The following ATP7A variants were observed in gnomAD, a reference collection of about 807,000 sequenced individuals.
ATP7A encodes the protein ATPase copper transporting alpha.
ATP7A carries 7 observed loss-of-function variants against 83.5 expected under a neutral mutation model. That is an observed-to-expected ratio of 0.08 (90% CI 0.05 to 0.16). The LOEUF is 0.16. Among genes scored for constraint, ATP7A ranks in the 10% least tolerant of loss-of-function variants. The pLI, the probability that ATP7A is intolerant of heterozygous loss-of-function variation, is 1.00. For synonymous variants in ATP7A, 354 were observed against 395.2 expected (o/e 0.90, Z 1.24); for missense variants, 940 against 1,120.8 (o/e 0.84, Z 2.30).
At chrX:77,914,820 T>C (rs2077176982) in intron 1 of ATP7A, among the ~76,000 whole-genome samples, 1 of 111,933 alleles carries the variant, frequency 8.9e-6, no homozygotes, top group African/African-American at 3.2e-5. Context: ...TTATTTTTGT[T>C]TATTTATTTT....
At position 77,998,645 on chromosome X, in the gene ATP7A, T is replaced by G. The variant is rs782589583; in HGVS notation, c.1504T>G (p.Cys502Gly). Residue 502 changes from cysteine to glycine, a missense_variant, in exon 5 of 23, where the codon TGT (cysteine) becomes GGT (glycine). This residue lies in a region of ATP7A where 350 missense variants were observed against 432.8 expected (regional missense o/e 0.81). Coordinates refer to ENST00000341514, the MANE Select transcript of ATP7A (RefSeq NM_000052.7). ...GGTCACTGGCATGACTTGCGCTTCC[T>G]GTGTAGCAAACATTGAACGGAATTT... ...IQVTGMTCAS[C>G]VANIERNLRR... 4.1e-6 allele frequency: 5 copies of G among 1,212,123 alleles called. No homozygotes were observed. Among genetic ancestry groups the G allele is most frequent in the Non-Finnish European group, 5.6e-6 (5 of 895,603 alleles).
intron 14 of ATP7A, 43 bp from the exon 15 acceptor site, chrX:78,029,207 C>G (rs1256886466): frequency 8.7e-7 from 1 of 1,155,560 alleles, no homozygotes. Flanking sequence ...TTGTTTTGTA[C>G]AGCTCTAAAT....
intron 1 of ATP7A, among the ~76,000 whole-genome samples, chrX:77,937,028 G>A (rs1393186425): frequency 8.9e-6 from 1 of 112,480 alleles, no homozygotes; most frequent in Admixed American, 9.5e-5. Context: ...AACAAAATGG[G>A]TAAAAGATGT....
intron 1 of ATP7A, among the ~76,000 whole-genome samples, chrX:77,955,607 G>A (rs1557227256): frequency 9.0e-6 from 1 of 111,291 alleles, no homozygotes; most frequent in Non-Finnish European, 1.9e-5. Flanking sequence ...AGGGTATTTA[G>A]CATATCTATC....
At chrX:77,948,543 C>G (rs2077396650) in intron 1 of ATP7A, among the ~76,000 whole-genome samples, 1 of 112,486 alleles carries the variant, frequency 8.9e-6, no homozygotes, top group South Asian at 3.6e-4. Context: ...GGAAAATCAT[C>G]TCTGACTTCC....
chrX:78,016,694 G>A (rs1033606301), intron 12 of ATP7A, among the ~76,000 whole-genome samples: 1 of 111,991 alleles, frequency 8.9e-6, no homozygotes, highest in Non-Finnish European at 1.9e-5. Context: ...TCCAAAATCC[G>A]TTGGGGCAGT....
rs781808445 is a variant in ATP7A, at chrX:78,002,799, TACAC to T, written c.1544-232_1544-229del. ...GTACGTCAAGTTTATTATGTTCTTATACACACACACACACACACACACACACACA... is the reference window on the plus strand; with the variant it reads ...GTACGTCAAGTTTATTATGTTCTTATACACACACACACACACACACACACA... On this transcript the variant is annotated intron_variant, in intron 5 of 22. Transcript: ENST00000341514. Among the ~76,000 whole-genome samples, 9,525 of 86,966 alleles carry T rather than the reference TACAC, an allele frequency of 0.11. 977 individuals are homozygous for T. Among genetic ancestry groups the T allele is most frequent in the African/African-American group, 0.31 (7,131 of 23,056 alleles). 75.5% of individuals were successfully genotyped at this position (86,966 alleles called of 115,157 possible).
chrX:78,005,962 C>A (rs2077772779), intron 6 of ATP7A, among the ~76,000 whole-genome samples: 1 of 111,381 alleles, frequency 9.0e-6, no homozygotes. Context: ...CCCAAAATTT[C>A]TTTTCTATGA....
At chrX:77,986,827 C>G (rs972897323) in intron 2 of ATP7A, among the ~76,000 whole-genome samples, 4 of 111,908 alleles carry the variant, frequency 3.6e-5, no homozygotes, top group Non-Finnish European at 5.6e-5. Flanking sequence ...CCCTACTACA[C>G]TATCATCTTC....
intron 6 of ATP7A, among the ~76,000 whole-genome samples, chrX:78,005,702 A>AAAAAAAAAAAAAAAAAAAAAAAAAAC (rs2077770273): frequency 9.5e-6 from 1 of 105,797 alleles, no homozygotes; most frequent in Non-Finnish European, 1.9e-5. Flanking sequence ...AAAAAAAAAA[A>AAAAAAAAAAAAAAAAAAAAAAAAAAC]AAAAGAAAAA....
chrX:77,941,191 G>A (rs1349627045), intron 1 of ATP7A, among the ~76,000 whole-genome samples: 2 of 111,225 alleles, frequency 1.8e-5, no homozygotes, highest in Non-Finnish European at 3.8e-5. Context: ...TCATGAAGAT[G>A]TATATACAAG....
chrX:78,001,407 C>G (rs1330096973), intron 5 of ATP7A, among the ~76,000 whole-genome samples: 1 of 106,429 alleles, frequency 9.4e-6, no homozygotes, highest in Non-Finnish European at 1.9e-5. Context: ...ATAATCACAT[C>G]ATGGAAAATG....
intron 1 of ATP7A, among the ~76,000 whole-genome samples, chrX:77,939,478 A>G (rs1272931782): frequency 9.0e-6 from 1 of 110,722 alleles, no homozygotes; most frequent in African/African-American, 3.3e-5. Flanking sequence ...TCAAAGTAGT[A>G]TATATGCTCA....
rs954337422 is a variant in ATP7A, at chrX:77,963,039, C to T, written c.-21-8582C>T. ...TGAAGTTTTTCTTGGTTTTCTTGAC[C>T]TTTGTAAAAGCAGAATACTGATTCT... On this transcript the variant is annotated intron_variant, in intron 1 of 22. Transcript: ENST00000341514. 5 of 212,708 alleles carry T rather than the reference C, an allele frequency of 2.4e-5. No homozygotes were observed. The Admixed American group carries it at 3.2e-4, about 13-fold the overall frequency. The allele number at this position is 212,708 out of a possible 1,213,427, so 17.5% of individuals were successfully genotyped here. A position where few individuals can be genotyped will look rare whatever the true frequency, so the allele number is the denominator to read the frequency against.
intron 4 of ATP7A, among the ~76,000 whole-genome samples, chrX:77,993,474 A>G (rs1569549642): frequency 8.9e-6 from 1 of 111,995 alleles, no homozygotes; most frequent in African/African-American, 3.2e-5. Context: ...TGATCTACAT[A>G]ATGTGATTCA....
At chrX:78,015,281 C>G (rs1262796156) in intron 11 of ATP7A, among the ~76,000 whole-genome samples, 1 of 111,987 alleles carries the variant, frequency 8.9e-6, no homozygotes, top group African/African-American at 3.2e-5. Context: ...AAATAGCCAT[C>G]AGTTGTTCTG....
intron 1 of ATP7A, among the ~76,000 whole-genome samples, chrX:77,946,793 T>G (rs2077382716): frequency 9.3e-6 from 1 of 107,898 alleles, no homozygotes; most frequent in African/African-American, 3.4e-5. Context: ...GGAACTCTTG[T>G]GCATTGTTGA....
chrX:77,929,946 G>A (rs1375268631), intron 1 of ATP7A, among the ~76,000 whole-genome samples: 1 of 112,102 alleles, frequency 8.9e-6, no homozygotes, highest in Non-Finnish European at 1.9e-5. Flanking sequence ...CTCCATTAAT[G>A]TGACAGTGAA....
chrX:78,009,682 A>G (rs2077803655), intron 7 of ATP7A, among the ~76,000 whole-genome samples: 1 of 112,341 alleles, frequency 8.9e-6, no homozygotes, highest in Non-Finnish European at 1.9e-5. Flanking sequence ...ACCCAGCTGG[A>G]CATAGTGGCT....
Sources: allele counts gnomAD v4.1 joint callset (sites outside exome capture counted in the v4.1 genomes callset), GRCh38; gene constraint gnomAD v4.1.1; regional missense constraint gnomAD v4.1.1; transcripts MANE v1.5; gene names NCBI Gene and HGNC (gene_info 2026-07-23, HGNC 2026-07-21).